NOP14: variants seen among roughly 807,000 people sequenced by gnomAD.
NOP14 encodes nucleolar protein 14.
In NOP14, 57 loss-of-function variants were observed where a neutral mutation model predicts 101.6. The observed-to-expected ratio is 0.56, with a 90% CI of 0.45 to 0.70. The LOEUF (loss-of-function observed/expected upper bound fraction) is 0.70. Among genes scored for constraint, NOP14 ranks in the 30% least tolerant of loss-of-function variants. The probability of loss-of-function intolerance (pLI) is 0.00; values close to 1 mark genes in which losing one functional copy is unlikely to be tolerated. For missense variants in NOP14, 1,134 were observed against 1,075.5 expected (o/e 1.05, Z -0.76); for synonymous variants, 428 against 424.0 (o/e 1.01, Z -0.12).
In NOP14 at chr4:2,961,316, AACT is replaced by A. The variant is rs1215887417; in HGVS notation, c.195+1806_195+1808del. 9.6e-5 allele frequency: 14 copies of A among 146,256 alleles called. 1 individual carries two copies. In the East Asian group the frequency reaches 1.9e-3, roughly 19 times the overall value. The allele number at this position is 146,256 out of a possible 1,614,324, so 9.1% of individuals were successfully genotyped here. A position where few individuals can be genotyped will look rare whatever the true frequency, so the allele number is the denominator to read the frequency against. ...ATATTAATATAGTTACTGATTTAAG[AACT>A]ACATTAATATAACTTATTTTATAAA... On this transcript the variant is annotated intron_variant, in intron 1 of 17. Coordinates refer to ENST00000416614, the MANE Select transcript of NOP14 (RefSeq NM_001291978.2).
chr4:2,960,764 TATTAATATATTAATATTATA>T (rs1560310801), intron 1 of NOP14, among the ~76,000 whole-genome samples: 5 of 90,884 alleles, frequency 5.5e-5, no homozygotes, highest in Non-Finnish European at 7.1e-5. Flanking sequence ...ATCACATTAA[TATTAATATATTAATATTATA>T]ATCACATTAA....
intron 1 of NOP14, among the ~76,000 whole-genome samples, chr4:2,960,672 A>C (rs959919593): frequency 7.2e-6 from 1 of 138,962 alleles, no homozygotes; most frequent in African/African-American, 2.8e-5. Context: ...TTATTATATT[A>C]ATATTATATT....
At chr4:2,951,041 A>G in intron 7 of NOP14, 73 bp downstream of exon 7, 1 of 1,414,722 alleles carries the variant, frequency 7.1e-7, no homozygotes, top group Non-Finnish European at 9.7e-7. Flanking sequence ...ATAAATCCCT[A>G]AAATGAATAC....
chr4:2,952,876 G>A (rs893619343), intron 5 of NOP14, among the ~76,000 whole-genome samples: 1 of 152,250 alleles, frequency 6.6e-6, no homozygotes, highest in African/African-American at 2.4e-5. Context: ...CCAGGAGGTG[G>A]AGGTTGCAGT....
chr4:2,938,713 GC>G lies in NOP14; in HGVS notation c.*117del. 1.3e-6 allele frequency: 1 copy of G among 762,362 alleles called. No homozygotes were observed. The allele number at this position is 762,362 out of a possible 1,614,324, so 47.2% of individuals were successfully genotyped here. A position where few individuals can be genotyped will look rare whatever the true frequency, so the allele number is the denominator to read the frequency against. ...GGTAGAGACGGGGTCTTCCTGTGTT[GC>G]CCAGGCTGGTCTCGAACTCCTGGGC... On this transcript the variant is annotated 3_prime_UTR_variant, in exon 18 of 18. Coordinates refer to ENST00000416614, the MANE Select transcript of NOP14 (RefSeq NM_001291978.2).
chr4:2,949,707 C>T (rs1265997556), intron 8 of NOP14, among the ~76,000 whole-genome samples: 1 of 152,208 alleles, frequency 6.6e-6, no homozygotes, highest in Non-Finnish European at 1.5e-5. Context: ...GAGAGAGGCG[C>T]ATCTGGCCCA....
At position 2,939,559 on chromosome 4, in the gene NOP14, TG is replaced by T; in HGVS notation, c.2285del (p.Pro762HisfsTer2). Reference sequence around the variant, plus strand: ...CCAGCCGGGGTGTGAAAAGCTTCAGTGGGACAGGCTTGCTCTTCTCACAGGT... The same window carrying T: ...CCAGCCGGGGTGTGAAAAGCTTCAGTGGACAGGCTTGCTCTTCTCACAGGT... Reference protein sequence around the residue: ...PLTCEKSKPVPLKLFTPRLVK... With the variant: ...PLTCEKSKPVXLKLFTPRLVK... On this transcript the variant is annotated frameshift_variant, in exon 16 of 18. Coordinates refer to ENST00000416614, the MANE Select transcript of NOP14 (RefSeq NM_001291978.2). LOFTEE classifies it high-confidence loss of function. 1 of 1,613,964 alleles carries T rather than the reference TG, an allele frequency of 6.2e-7. No individual in the cohort carries two copies. Among genetic ancestry groups the T allele is most frequent in the Non-Finnish European group, 8.5e-7 (1 of 1,180,016 alleles).
At chr4:2,957,534 T>C (rs1715431647) in intron 2 of NOP14, 72 bp downstream of exon 2, 1 of 1,562,504 alleles carries the variant, frequency 6.4e-7, no homozygotes, top group Non-Finnish European at 8.8e-7. Flanking sequence ...ACATGCAGAG[T>C]CAGCCTTCTC....
chr4:2,939,087 C>A, intron 17 of NOP14, 101 bp downstream of exon 17: 1 of 1,555,712 alleles, frequency 6.4e-7, no homozygotes, highest in Non-Finnish European at 8.8e-7. Context: ...CAGCCAGAGC[C>A]AAGGCTGTGG....
chr4:2,953,164 G>A (rs1249005427), intron 5 of NOP14, among the ~76,000 whole-genome samples: 1 of 152,234 alleles, frequency 6.6e-6, no homozygotes, highest in Non-Finnish European at 1.5e-5. Context: ...ACTGTTTACA[G>A]AGGCAAAAAT....
chr4:2,948,232 G>A (rs1714789825), intron 9 of NOP14, 46 bp downstream of exon 9: 1 of 1,552,040 alleles, frequency 6.4e-7, no homozygotes, highest in African/African-American at 1.4e-5. Flanking sequence ...CATATACGGG[G>A]CTATGCTGAC....
intron 5 of NOP14, 110 bp downstream of exon 5, chr4:2,953,401 G>A: frequency 8.7e-7 from 1 of 1,152,390 alleles, no homozygotes; most frequent in Non-Finnish European, 1.2e-6. Context: ...ACAGAAACTT[G>A]CCCTAAAGGA....
intron 4 of NOP14, 45 bp downstream of exon 4, chr4:2,954,379 C>T (rs1444038240): frequency 6.3e-7 from 1 of 1,595,934 alleles, no homozygotes; most frequent in East Asian, 2.2e-5. Context: ...TTTGGTGAGC[C>T]TGTCTTACCG....
intron 8 of NOP14, 104 bp downstream of exon 8, chr4:2,949,830 C>T (rs1714892435): frequency 2.2e-6 from 3 of 1,345,408 alleles, no homozygotes; most frequent in Non-Finnish European, 3.1e-6. Flanking sequence ...ATCCTTGGTC[C>T]CCATTCCACA....
chr4:2,939,773 C>A, intron 15 of NOP14, 128 bp from the exon 16 acceptor site: 1 of 768,638 alleles, frequency 1.3e-6, no homozygotes. Flanking sequence ...CAGGATGGTG[C>A]CCTTGCTGTG....
chr4:2,945,255 T>C (rs1160122636), intron 11 of NOP14, 26 bp from the exon 12 acceptor site: 16 of 1,517,034 alleles, frequency 1.1e-5, no homozygotes, highest in Middle Eastern at 1.7e-4. Context: ...TACCACAGGT[T>C]AAAGAAGGTA....
At chr4:2,942,160 C>T (rs758994754) in intron 14 of NOP14, 32 bp downstream of exon 14, 11 of 1,602,982 alleles carry the variant, frequency 6.9e-6, no homozygotes, top group East Asian at 6.7e-5. Flanking sequence ...CGCTGTAGGG[C>T]ACAGGCCCCA....
At chr4:2,939,888 G>A (rs1714018177) in intron 15 of NOP14, among the ~76,000 whole-genome samples, 2 of 152,346 alleles carry the variant, frequency 1.3e-5, no homozygotes, top group Non-Finnish European at 1.5e-5. Context: ...GAGGGCCGTG[G>A]GCTGGCCCCT....
Position 2,941,823 on chromosome 4 carries a change from T to C in NOP14, c.2052-94A>G, listed in dbSNP as rs536344903. 2.3e-5 allele frequency: 32 copies of C among 1,404,974 alleles called. 1 individual carries two copies. The South Asian group carries it at 4.0e-4, about 18-fold the overall frequency. 87.0% of individuals were successfully genotyped at this position (1,404,974 alleles called of 1,614,324 possible). A position where few individuals can be genotyped will look rare whatever the true frequency, so the allele number is the denominator to read the frequency against. On this transcript the variant is annotated intron_variant, in intron 14 of 17. Transcript: ENST00000416614. The stretch of plus-strand genomic sequence containing the variant: ...CAAAAATGAACTTCCCCACTTCCAC[T>C]AGGCTGAAAACTCCAGTGTGGCCAC...
Sources: gnomAD v4.1 joint callset for allele counts (sites outside exome capture counted in the v4.1 genomes callset) on GRCh38, gnomAD v4.1.1 for gene constraint, MANE v1.5 for transcripts, NCBI Gene and HGNC (gene_info 2026-07-23, HGNC 2026-07-21) for gene names.